Variants in RCOR3 observed in about 807,000 individuals in gnomAD.
RCOR3 encodes REST corepressor 3.
A neutral mutation model predicts 64.1 loss-of-function variants in RCOR3; 13 were observed. The observed-to-expected ratio is 0.20, with a 90% confidence interval of 0.13 to 0.32. The LOEUF is 0.32. RCOR3 is among the 10% of genes least tolerant of loss of function. The pLI is 1.00. For missense variants in RCOR3, 489 were observed against 701.2 expected (o/e 0.70, Z 3.42); for synonymous variants, 215 against 239.0 (o/e 0.90, Z 0.93).
Position 211,314,260 on chromosome 1 carries a change from C to A in RCOR3, c.*492C>A, listed in dbSNP as rs191480696. Reference sequence around the variant, plus strand: ...GGAGTGCAAGAATAGCCAGCATTTCCGATTTTGACATATGTTCATTTTATG... The same window carrying A: ...GGAGTGCAAGAATAGCCAGCATTTCAGATTTTGACATATGTTCATTTTATG... On this transcript the variant is annotated 3_prime_UTR_variant, in exon 12 of 12. Coordinates refer to ENST00000419091, the MANE Select transcript of RCOR3 (RefSeq NM_001136223.3). The A allele has an allele frequency of 6.6e-6, 1 of 152,006 alleles. No homozygotes were observed. The highest frequency in any genetic ancestry group is 2.4e-5 in the African/African-American group (1 of 41,330). The allele number at this position is 152,006 out of a possible 1,614,324, so 9.4% of individuals were successfully genotyped here.
chr1:211,260,699 T>C (rs985217351), intron 2 of RCOR3, among the ~76,000 whole-genome samples: 103 of 141,650 alleles, frequency 7.3e-4, no homozygotes, highest in African/African-American at 2.6e-3. Context: ...GGTGTAGCTT[T>C]GGTCGCGGCA....
At position 211,276,395 on chromosome 1, in the gene RCOR3, A is replaced by T; in HGVS notation, c.493A>T (p.Ser165Cys). Reference sequence around the variant, plus strand: ...ACAAGCCTTTAGTTTTCATGGAAAGAGCTTTCACAGGATTCAGCAAATGGT... The same window carrying T: ...ACAAGCCTTTAGTTTTCATGGAAAGTGCTTTCACAGGATTCAGCAAATGGT... Reference protein sequence around the residue: ...FEQAFSFHGKSFHRIQQMLPD... With the variant: ...FEQAFSFHGKCFHRIQQMLPD... The change falls in exon 5 of 12, where the codon AGC becomes TGC. Residue 165 changes from serine (S) to cysteine (C), a missense_variant. By Grantham distance (112) the Ser-to-Cys change is moderately radical (BLOSUM62 -1). Coordinates refer to ENST00000419091, the MANE Select transcript of RCOR3 (RefSeq NM_001136223.3). 6.2e-7 allele frequency: 1 copy of T among 1,613,166 alleles called. No individual in the cohort carries two copies. Among genetic ancestry groups the T allele is most frequent in the Non-Finnish European group, 8.5e-7 (1 of 1,179,406 alleles).
chr1:211,260,291 C>T (rs1212201611), intron 2 of RCOR3, 127 bp downstream of exon 2: 8 of 773,488 alleles, frequency 1.0e-5, no homozygotes, highest in Non-Finnish European at 1.7e-5. Flanking sequence ...GCATCCGTGG[C>T]GGGGAGGCTG....
intron 10 of RCOR3, among the ~76,000 whole-genome samples, chr1:211,309,697 C>T (rs1701292795): frequency 6.6e-6 from 1 of 152,192 alleles, no homozygotes; most frequent in South Asian, 2.1e-4. Flanking sequence ...TAACTCCCTT[C>T]CTGAGAAAGT....
At chr1:211,293,115 AAAT>A (rs1348240134) in intron 8 of RCOR3, among the ~76,000 whole-genome samples, 4 of 150,736 alleles carry the variant, frequency 2.7e-5, no homozygotes, top group South Asian at 2.1e-4. Context: ...ATAAATAAAT[AAAT>A]AAGTCTTAAT....
At chr1:211,283,857 T>C (rs918209849) in intron 7 of RCOR3, among the ~76,000 whole-genome samples, 70 of 151,882 alleles carry the variant, frequency 4.6e-4, no homozygotes, top group African/African-American at 1.7e-3. Context: ...ATTTGTCTTT[T>C]TCTTAAAGAC....
At chr1:211,259,942 C>G in intron 1 of RCOR3, 166 bp from the exon 2 acceptor site, 2 of 1,357,046 alleles carry the variant, frequency 1.5e-6, no homozygotes, top group Non-Finnish European at 1.9e-6. Context: ...CCGCTCCCCG[C>G]CCCCAATCCG....
chr1:211,269,613 A>G (rs1021422800), intron 2 of RCOR3, among the ~76,000 whole-genome samples: 1 of 152,128 alleles, frequency 6.6e-6, no homozygotes, highest in African/African-American at 2.4e-5. Context: ...AAAAAGTGGC[A>G]GCAATGCTTC....
chr1:211,267,822 G>A, intron 2 of RCOR3: 1 of 359,014 alleles, frequency 2.8e-6, no homozygotes, highest in Non-Finnish European at 5.4e-6. Flanking sequence ...CAAACTCCGG[G>A]GCTCAAGCCA....
At chr1:211,260,273 C>A in intron 2 of RCOR3, 109 bp downstream of exon 2, 3 of 959,740 alleles carry the variant, frequency 3.1e-6, no homozygotes, top group Non-Finnish European at 4.9e-6. Context: ...CGGGGTTGGG[C>A]TGGGCAGGCA....
intron 9 of RCOR3, among the ~76,000 whole-genome samples, chr1:211,298,812 C>G (rs1177508203): frequency 6.6e-6 from 1 of 152,054 alleles, no homozygotes; most frequent in Non-Finnish European, 1.5e-5. Context: ...CGAGACCATC[C>G]TGGCTAACAC....
intron 1 of RCOR3, 102 bp downstream of exon 1, chr1:211,259,828 G>A (rs1387700410): frequency 1.0e-6 from 1 of 985,650 alleles, no homozygotes; most frequent in Non-Finnish European, 1.3e-6. Flanking sequence ...CCTCCCCTCA[G>A]AGCCTGGGCG....
chr1:211,268,373 T>C (rs980727042), intron 2 of RCOR3, among the ~76,000 whole-genome samples: 1 of 2,942 alleles, frequency 3.4e-4, no homozygotes, highest in Non-Finnish European at 1.0e-3. Context: ...TTCTTTCTTT[T>C]TTTTTTTTTT....
At chr1:211,279,817 C>T (rs1697522429) in intron 7 of RCOR3, among the ~76,000 whole-genome samples, 1 of 152,162 alleles carries the variant, frequency 6.6e-6, no homozygotes, top group African/African-American at 2.4e-5. Context: ...TTTCCCATTT[C>T]CCCATTCCTT....
rs1698712733 is a variant in RCOR3 at position 211,287,665 on chromosome 1, G to A, written c.721-1513G>A. On this transcript the variant is annotated intron_variant, in intron 7 of 11. Coordinates refer to ENST00000419091, the MANE Select transcript of RCOR3 (RefSeq NM_001136223.3). Reference sequence around the variant, plus strand: ...AGGTAGCCGAGGCAGTGGATCACCTGATGTCAGGAGTTGAAGACCAGCCTG... The same window carrying A: ...AGGTAGCCGAGGCAGTGGATCACCTAATGTCAGGAGTTGAAGACCAGCCTG... Among the ~76,000 whole-genome samples, 3 of 152,112 alleles carry A rather than the reference G, an allele frequency of 2.0e-5. 1 individual carries two copies. In the South Asian group the frequency reaches 6.2e-4, roughly 31 times the overall value.
chr1:211,289,345 C>G lies in RCOR3; in HGVS notation c.888C>G (p.Ala296=), dbSNP rs1385713661. The change falls in exon 8 of 12, where the codon GCC becomes GCG. Residue 296 remains alanine, a synonymous_variant. Coordinates refer to ENST00000419091, the MANE Select transcript of RCOR3 (RefSeq NM_001136223.3). ...CAGTTTCCTGTAGTCCCAATGCAGC[C>G]AACACCATCCTGAGGCAACTGGACA... ...VVAVSCSPNA[A]NTILRQLDME... is the part of the protein sequence containing the mutation. 1 of 1,613,966 alleles carries G rather than the reference C, an allele frequency of 6.2e-7. No individual in the cohort carries two copies. The highest frequency in any genetic ancestry group is 2.2e-5 in the East Asian group (1 of 44,898).
intron 7 of RCOR3, among the ~76,000 whole-genome samples, chr1:211,282,655 T>C (rs954765038): frequency 6.6e-6 from 1 of 152,066 alleles, no homozygotes; most frequent in Non-Finnish European, 1.5e-5. Context: ...TGCGTCACCA[T>C]GCCTGGCTAA....
chr1:211,289,563 C>T (rs759957993), intron 8 of RCOR3, among the ~76,000 whole-genome samples, 167 bp downstream of exon 8: 1 of 152,188 alleles, frequency 6.6e-6, no homozygotes, highest in Non-Finnish European at 1.5e-5. Context: ...GATACCTCTG[C>T]CTGTTCTAGA....
chr1:211,310,111 G>A (rs1350574663), intron 10 of RCOR3, among the ~76,000 whole-genome samples: 1 of 152,180 alleles, frequency 6.6e-6, no homozygotes, highest in Non-Finnish European at 1.5e-5. Flanking sequence ...CACTTCCTGT[G>A]TACTCAGCAT....
Sources: allele counts gnomAD v4.1 joint callset (sites outside exome capture counted in the v4.1 genomes callset), GRCh38; gene constraint gnomAD v4.1.1; transcripts MANE v1.5; gene names NCBI Gene and HGNC (gene_info 2026-07-23, HGNC 2026-07-21).